UBE2R2: variants seen among roughly 807,000 people sequenced by gnomAD.
UBE2R2 encodes ubiquitin-conjugating enzyme E2 R2.
A neutral mutation model predicts 27.8 loss-of-function variants in UBE2R2; 1 was observed. That is an observed-to-expected ratio of 0.04 (90% CI 0.01 to 0.17). The LOEUF is 0.17. UBE2R2 is among the 10% of genes least tolerant of loss of function. UBE2R2 has a pLI of 1.00. For missense variants in UBE2R2, 100 were observed against 291.0 expected (o/e 0.34, Z 4.78); for synonymous variants, 106 against 113.3 (o/e 0.94, Z 0.41).
chr9:33,897,874 C>G (rs1475430155), intron 2 of UBE2R2, among the ~76,000 whole-genome samples: 1 of 148,340 alleles, frequency 6.7e-6, no homozygotes, highest in Non-Finnish European at 1.5e-5. Flanking sequence ...CTCCCAGGTT[C>G]AAGTGATTCT....
chr9:33,900,106 A>G, intron 2 of UBE2R2, 68 bp from the exon 3 acceptor site: 2 of 1,269,120 alleles, frequency 1.6e-6, no homozygotes, highest in Non-Finnish European at 2.3e-6. Flanking sequence ...AGGAAACTTT[A>G]GAACCGATGT....
At chr9:33,877,416 T>C (rs1821630000) in intron 1 of UBE2R2, among the ~76,000 whole-genome samples, 1 of 151,836 alleles carries the variant, frequency 6.6e-6, no homozygotes, top group African/African-American at 2.4e-5. Flanking sequence ...TCTCCTGACC[T>C]CGTGATCCGC....
chr9:33,826,869 G>A (rs1353971997), intron 1 of UBE2R2, among the ~76,000 whole-genome samples: 4 of 152,178 alleles, frequency 2.6e-5, no homozygotes, highest in Non-Finnish European at 5.9e-5. Context: ...GATCACCTGA[G>A]CTCGGAAGTT....
intron 1 of UBE2R2, among the ~76,000 whole-genome samples, chr9:33,831,269 C>G (rs1820472570): frequency 6.6e-6 from 1 of 151,830 alleles, no homozygotes; most frequent in African/African-American, 2.4e-5. Context: ...AGTGAGACCC[C>G]CATCTCTACA....
At chr9:33,854,565 G>A (rs1330896909) in intron 1 of UBE2R2, among the ~76,000 whole-genome samples, 3 of 151,504 alleles carry the variant, frequency 2.0e-5, no homozygotes, top group African/African-American at 4.9e-5. Flanking sequence ...TACGTGATCC[G>A]CCTGCTTCGG....
intron 4 of UBE2R2, 62 bp downstream of exon 4, chr9:33,912,160 G>A (rs2130821979): frequency 1.3e-5 from 19 of 1,419,020 alleles, no homozygotes; most frequent in Admixed American, 2.0e-5. Flanking sequence ...TGGAACCAAG[G>A]GTTTAAATCA....
At chr9:33,895,768 CTTTTTT>C (rs776870484) in intron 2 of UBE2R2, among the ~76,000 whole-genome samples, 1 of 90,270 alleles carries the variant, frequency 1.1e-5, no homozygotes, top group Non-Finnish European at 2.1e-5. Flanking sequence ...CTCTCTCTCT[CTTTTTT>C]TTTTTTTTTT....
intron 1 of UBE2R2, among the ~76,000 whole-genome samples, chr9:33,877,902 A>G (rs1164792575): frequency 2.0e-5 from 3 of 148,312 alleles, no homozygotes; most frequent in African/African-American, 7.6e-5. Flanking sequence ...ATTACAGGCA[A>G]CTGCCATCAC....
At chr9:33,895,461 T>G (rs1822079758) in intron 2 of UBE2R2, among the ~76,000 whole-genome samples, 1 of 152,234 alleles carries the variant, frequency 6.6e-6, no homozygotes, top group African/African-American at 2.4e-5. Flanking sequence ...GTCTTTGTAG[T>G]AATTTTTAAA....
upstream of UBE2R2, among the ~76,000 whole-genome samples, chr9:33,816,530 G>A (rs1335457553): frequency 1.3e-5 from 2 of 152,244 alleles, no homozygotes; most frequent in South Asian, 2.1e-4. Flanking sequence ...GTTAAGAAGG[G>A]AAGCAGAAGC....
chr9:33,868,178 G>C (rs1821405087), intron 1 of UBE2R2, among the ~76,000 whole-genome samples: 2 of 152,258 alleles, frequency 1.3e-5, no homozygotes, highest in South Asian at 4.1e-4. Flanking sequence ...GAAGATAGCC[G>C]AATTTTTCCT....
chr9:33,838,797 G>A (rs1013913113), intron 1 of UBE2R2, among the ~76,000 whole-genome samples: 1 of 151,852 alleles, frequency 6.6e-6, no homozygotes, highest in African/African-American at 2.4e-5. Flanking sequence ...AGTTGCTGTG[G>A]TCTGGCCAGT....
intron 1 of UBE2R2, among the ~76,000 whole-genome samples, chr9:33,886,016 T>G (rs1307219841): frequency 6.6e-6 from 1 of 152,190 alleles, no homozygotes; most frequent in Non-Finnish European, 1.5e-5. Flanking sequence ...ATACTGTCAG[T>G]CATCCATGTA....
At chr9:33,911,427 A>C (rs938639148) in intron 3 of UBE2R2, among the ~76,000 whole-genome samples, 10 of 148,174 alleles carry the variant, frequency 6.7e-5, no homozygotes, top group African/African-American at 2.5e-4. Flanking sequence ...AAAAAAAAAA[A>C]AAAAAAAACC....
At chr9:33,904,083 A>G (rs1822301995) in intron 3 of UBE2R2, among the ~76,000 whole-genome samples, 1 of 152,166 alleles carries the variant, frequency 6.6e-6, no homozygotes, top group South Asian at 2.1e-4. Flanking sequence ...CAGAACTCTG[A>G]GCGGAAGTCA....
At chr9:33,902,143 T>C (rs536963312) in intron 3 of UBE2R2, among the ~76,000 whole-genome samples, 1 of 152,208 alleles carries the variant, frequency 6.6e-6, no homozygotes, top group South Asian at 2.1e-4. Context: ...AGTCTCAAAC[T>C]ACTGGGCTCA....
chr9:33,917,340 C>T lies in UBE2R2; in HGVS notation c.*103C>T, dbSNP rs560428091. On this transcript the variant is annotated 3_prime_UTR_variant, in exon 5 of 5. Transcript: ENST00000263228. ...CCCCTCAGCAAAAACCTATTCACAG[C>T]GGGTGGGGAAACACACACAGCTCCT... 3.9e-5 allele frequency: 60 copies of T among 1,532,624 alleles called. No homozygotes were observed. Among genetic ancestry groups the T allele is most frequent in the Non-Finnish European group, 5.0e-5 (57 of 1,142,862 alleles). 94.9% of individuals were successfully genotyped at this position (1,532,624 alleles called of 1,614,324 possible). A position where few individuals can be genotyped will look rare whatever the true frequency, so the allele number is the denominator to read the frequency against.
chr9:33,872,801 A>G (rs2130781679), intron 1 of UBE2R2, among the ~76,000 whole-genome samples: 1 of 151,680 alleles, frequency 6.6e-6, no homozygotes, highest in African/African-American at 2.4e-5. Flanking sequence ...AAAAAAAAAA[A>G]GATTTGGTGT....
chr9:33,895,455 T>C (rs532616040), intron 2 of UBE2R2, among the ~76,000 whole-genome samples: 3 of 152,348 alleles, frequency 2.0e-5, no homozygotes, highest in Admixed American at 1.3e-4. Context: ...ATGGTTGTCT[T>C]TGTAGTAATT....
Sources: gnomAD v4.1 joint callset for allele counts (sites outside exome capture counted in the v4.1 genomes callset) on GRCh38, gnomAD v4.1.1 for gene constraint, MANE v1.5 for transcripts, NCBI Gene and HGNC (gene_info 2026-07-23, HGNC 2026-07-21) for gene names.